NICN1: variants seen among roughly 807,000 people sequenced by gnomAD.
NICN1 encodes the protein nicolin 1, tubulin polyglutamylase complex subunit, also known as nicolin-1.
A neutral mutation model predicts 26.3 loss-of-function variants in NICN1; 18 were observed. That is an observed-to-expected ratio of 0.68 (90% CI 0.47 to 1.01). The LOEUF (loss-of-function observed/expected upper bound fraction) is 1.01, where lower values mean the gene tolerates loss of function less well. NICN1 is among the 50% of genes least tolerant of loss of function. The probability of loss-of-function intolerance (pLI) is 0.00; values close to 1 mark genes in which losing one functional copy is unlikely to be tolerated. For synonymous variants in NICN1, 109 were observed against 111.0 expected, an observed-to-expected ratio of 0.98 and a Z score of 0.11; for missense variants, 239 against 278.3, an observed-to-expected ratio of 0.86 and a Z score of 1.00.
intron 1 of NICN1, 93 bp from the exon 2 acceptor site, chr3:49,426,521 C>T (rs113604510): frequency 4.3e-6 from 4 of 923,382 alleles, no homozygotes; most frequent in African/African-American, 1.7e-5. Context: ...TCCTTCTCCC[C>T]ACCTTTTCTT....
Position 49,426,381 on chromosome 3 carries a change from G to A in NICN1, c.180C>T (p.Ile60=), listed in dbSNP as rs770432563. 7 of 1,613,972 alleles carry A rather than the reference G, an allele frequency of 4.3e-6. No homozygotes were observed. The highest frequency in any genetic ancestry group is 5.9e-6 in the Non-Finnish European group (7 of 1,180,008). ...GTGCTGAGGTGTACTGACGGACACG[G>A]ATGCTCAAAAAAGCTGTGTAGTAAT... The part of the protein sequence containing the change: ...FKNYYTAFLS[I]RVRQYTSAHT... The change falls in exon 2 of 6, where the codon ATC becomes ATT. Residue 60 remains isoleucine, a synonymous_variant. Transcript: ENST00000273598.
At position 49,429,264 on chromosome 3, in the gene NICN1, C is replaced by T; in HGVS notation, c.-25G>A. On this transcript the variant is annotated 5_prime_UTR_variant, in exon 1 of 6. Coordinates refer to ENST00000273598, the MANE Select transcript of NICN1 (RefSeq NM_032316.3). ...TGGTGACAGCAGCCGCAACTAAGTG[C>T]AACCGCCGCTCTAGGCCCCCGACCA... 1 of 1,569,180 alleles carries T rather than the reference C, an allele frequency of 6.4e-7. No individual in the cohort carries two copies. Among genetic ancestry groups the T allele is most frequent in the Non-Finnish European group, 8.7e-7 (1 of 1,154,176 alleles).
chr3:49,425,153 C>A, intron 4 of NICN1, 100 bp from the exon 5 acceptor site: 5 of 969,480 alleles, frequency 5.2e-6, no homozygotes, highest in Admixed American at 2.0e-5. Context: ...CCAGCTGAGA[C>A]CAACAACATT....
chr3:49,422,563 T>C lies in NICN1; in HGVS notation c.*2270A>G. 8.2e-7 allele frequency: 1 copy of C among 1,213,800 alleles called. No homozygotes were observed. Among genetic ancestry groups the C allele is most frequent in the Non-Finnish European group, 1.2e-6 (1 of 840,672 alleles). The allele number at this position is 1,213,800 out of a possible 1,614,324, so 75.2% of individuals were successfully genotyped here. ...AGGTCTCTCTCCGGAGCAAAGGATCTGAAGGGGGCGTGGGCAGCCCCAAGG... is the reference window on the plus strand; with the variant it reads ...AGGTCTCTCTCCGGAGCAAAGGATCCGAAGGGGGCGTGGGCAGCCCCAAGG... On this transcript the variant is annotated 3_prime_UTR_variant, in exon 6 of 6. Coordinates refer to ENST00000273598, the MANE Select transcript of NICN1 (RefSeq NM_032316.3).
At position 49,425,033 on chromosome 3, in the gene NICN1, C is replaced by T. The variant is rs2107941259; in HGVS notation, c.516G>A (p.Arg172=). The T allele has an allele frequency of 6.2e-7, 1 of 1,614,012 alleles. No individual in the cohort carries two copies. Among genetic ancestry groups the T allele is most frequent in the East Asian group, 2.2e-5 (1 of 44,868 alleles). Residue 172 remains arginine (R), a synonymous_variant, in exon 5 of 6, where the codon AGG becomes AGA. Coordinates refer to ENST00000273598, the MANE Select transcript of NICN1 (RefSeq NM_032316.3). ...LLREGLPDPS[R]VSSEVQQMWA... ...ACATCTGCTGCACCTCGGAGGATACCCTGCTGGGGTCTGGGAGACCCTGCT... is the reference window on the plus strand; with the variant it reads ...ACATCTGCTGCACCTCGGAGGATACTCTGCTGGGGTCTGGGAGACCCTGCT...
At position 49,424,860 on chromosome 3, in the gene NICN1, A is replaced by G. The variant is rs189963854; in HGVS notation, c.615T>C (p.Tyr205=). 120 of 1,614,006 alleles carry G rather than the reference A, an allele frequency of 7.4e-5. No individual in the cohort carries two copies. The East Asian group carries it at 2.6e-3, about 35-fold the overall frequency. ...AAGTGTAGGAGAGCAAGTTCAGGTCATAACAGCCATCCACCTGAAATACAA... is the reference window on the plus strand; with the variant it reads ...AAGTGTAGGAGAGCAAGTTCAGGTCGTAACAGCCATCCACCTGAAATACAA... The part of the protein sequence containing the change: ...RIGRFDVDGC[Y]DLNLLSYT Residue 205 remains tyrosine (Y), a synonymous_variant, in exon 6 of 6, where the codon TAT becomes TAC. Transcript: ENST00000273598.
chr3:49,422,379 A>C lies in NICN1; in HGVS notation c.*2454T>G, dbSNP rs755011710. 2 of 1,607,254 alleles carry C rather than the reference A, an allele frequency of 1.2e-6. No homozygotes were observed. Among genetic ancestry groups the C allele is most frequent in the South Asian group, 2.2e-5 (2 of 90,874 alleles). The stretch of plus-strand genomic sequence containing the variant: ...ATCCCACCTGTGCGCAACTAAGTGG[A>C]CGACACAAGGCCGGGGGGAATGCCT... On this transcript the variant is annotated 3_prime_UTR_variant, in exon 6 of 6. Transcript: ENST00000273598.
intron 2 of NICN1, 84 bp from the exon 3 acceptor site, chr3:49,426,080 C>T (rs544004900): frequency 8.8e-7 from 1 of 1,132,556 alleles, no homozygotes; most frequent in Non-Finnish European, 1.3e-6. Context: ...GAATGCTGCC[C>T]ACCCCACAGG....
In NICN1 at chr3:49,429,307, C is replaced by A. The variant is rs921771229; in HGVS notation, c.-68G>T. 2 of 1,494,858 alleles carry A rather than the reference C, an allele frequency of 1.3e-6. No individual in the cohort carries two copies. Among genetic ancestry groups the A allele is most frequent in the Non-Finnish European group, 1.8e-6 (2 of 1,116,382 alleles). The allele number at this position is 1,494,858 out of a possible 1,614,324, so 92.6% of individuals were successfully genotyped here. A position where few individuals can be genotyped will look rare whatever the true frequency, so the allele number is the denominator to read the frequency against. ...CCCGACCACCAGCCCTTCCCGGCAT[C>A]CTCAGCCGAGCCTCAAGAACTACAA... On this transcript the variant is annotated 5_prime_UTR_variant, in exon 1 of 6. Coordinates refer to ENST00000273598, the MANE Select transcript of NICN1 (RefSeq NM_032316.3).
chr3:49,427,322 CAA>C (rs1336376899), intron 1 of NICN1, among the ~76,000 whole-genome samples: 42 of 108,692 alleles, frequency 3.9e-4, no homozygotes, highest in Non-Finnish European at 3.7e-4. Flanking sequence ...GACACGGTCT[CAA>C]AAAAAAAAAA....
intron 4 of NICN1, 38 bp from the exon 5 acceptor site, chr3:49,425,091 C>T (rs2049160454): frequency 6.5e-7 from 1 of 1,546,432 alleles, no homozygotes; most frequent in East Asian, 2.2e-5. Context: ...ATGGGTCTCT[C>T]CCCAGCAGTG....
intron 1 of NICN1, among the ~76,000 whole-genome samples, chr3:49,427,883 T>TA (rs1263958018): frequency 1.3e-5 from 2 of 152,020 alleles, no homozygotes; most frequent in Non-Finnish European, 2.9e-5. Flanking sequence ...GCTCTTTAAT[T>TA]AAGTTTCCCA....
At chr3:49,429,013 G>T in intron 1 of NICN1, 95 bp downstream of exon 1, 2 of 1,213,968 alleles carry the variant, frequency 1.6e-6, no homozygotes, top group Non-Finnish European at 2.3e-6. Context: ...AGACGGCAGA[G>T]GCTTTCCCAT....
rs2049161632 is a variant in NICN1, at chr3:49,425,305, C to T, written c.495+62G>A. On this transcript the variant is annotated intron_variant, in intron 4 of 5. Transcript: ENST00000273598. ...CCAGAATTTTACAGGAAGGGGTCTACCTGGCCTGTGTTGGACACTAGAGCC... is the reference window on the plus strand; with the variant it reads ...CCAGAATTTTACAGGAAGGGGTCTATCTGGCCTGTGTTGGACACTAGAGCC... The T allele has an allele frequency of 2.1e-6, 3 of 1,398,608 alleles. No individual in the cohort carries two copies. The East Asian group carries it at 7.0e-5, about 32-fold the overall frequency. 86.6% of individuals were successfully genotyped at this position (1,398,608 alleles called of 1,614,324 possible).
At chr3:49,425,561 G>T in intron 3 of NICN1, 123 bp from the exon 4 acceptor site, 1 of 764,000 alleles carries the variant, frequency 1.3e-6, no homozygotes, top group East Asian at 2.7e-5. Context: ...ACCCTGTTTA[G>T]GGAGCCCACA....
At chr3:49,426,099 A>C in intron 2 of NICN1, 103 bp from the exon 3 acceptor site, 7 of 1,100,740 alleles carry the variant, frequency 6.4e-6, no homozygotes, top group Non-Finnish European at 9.3e-6. Flanking sequence ...GGCCTTGGGA[A>C]GGAAGGAACA....
chr3:49,425,420 G>GAAA lies in NICN1; in HGVS notation c.439_441dup (p.Phe147dup). On this transcript the variant is annotated inframe_insertion, in exon 4 of 6. Transcript: ENST00000273598. Reference sequence around the variant, plus strand: ...GGCACTGGGTGGGAGAGCCACTTGGGAAAGGTCACGGAGGGGCTCTGCAAA... The same window carrying GAAA: ...GGCACTGGGTGGGAGAGCCACTTGGGAAAAAAGGTCACGGAGGGGCTCTGCAAA... 1 of 1,612,920 alleles carries GAAA rather than the reference G, an allele frequency of 6.2e-7. No homozygotes were observed. Among genetic ancestry groups the GAAA allele is most frequent in the East Asian group, 2.2e-5 (1 of 44,848 alleles).
At chr3:49,427,324 A>G (rs1156998961) in intron 1 of NICN1, among the ~76,000 whole-genome samples, 1 of 143,410 alleles carries the variant, frequency 7.0e-6, no homozygotes, top group Non-Finnish European at 1.5e-5. Flanking sequence ...CACGGTCTCA[A>G]AAAAAAAAAA....
In NICN1 at chr3:49,422,829, T is replaced by G. The variant is rs2049135434; in HGVS notation, c.*2004A>C. 2.7e-6 allele frequency: 1 copy of G among 368,710 alleles called. No homozygotes were observed. Among genetic ancestry groups the G allele is most frequent in the South Asian group, 2.2e-5 (1 of 45,780 alleles). 22.8% of individuals were successfully genotyped at this position (368,710 alleles called of 1,614,324 possible). ...AGGACCTCAAGAGAGTAAGGTCAAGTGGGGGTGGGGAAGGTGGGCCAGCCT... is the reference window on the plus strand; with the variant it reads ...AGGACCTCAAGAGAGTAAGGTCAAGGGGGGGTGGGGAAGGTGGGCCAGCCT... On this transcript the variant is annotated 3_prime_UTR_variant, in exon 6 of 6. Coordinates refer to ENST00000273598, the MANE Select transcript of NICN1 (RefSeq NM_032316.3).
Sources: allele counts gnomAD v4.1 joint callset (sites outside exome capture counted in the v4.1 genomes callset), GRCh38; gene constraint gnomAD v4.1.1; transcripts MANE v1.5; gene names NCBI Gene and HGNC (gene_info 2026-07-23, HGNC 2026-07-21).